Variants in LINGO2 observed in about 807,000 individuals in gnomAD.
The protein encoded by LINGO2 is leucine-rich repeat and immunoglobulin-like domain-containing nogo receptor-interacting protein 2.
A neutral mutation model predicts 30.6 loss-of-function variants in LINGO2; 14 were observed. The ratio of observed to expected loss-of-function variants is 0.46; its 90% CI spans 0.30 to 0.72. LINGO2 has a LOEUF of 0.72. Among genes scored for constraint, LINGO2 ranks in the 30% least tolerant of loss-of-function variants. LINGO2 has a pLI of 0.07. For synonymous variants in LINGO2, 317 were observed against 288.5 expected, an observed-to-expected ratio of 1.10 and a Z score of -1.00; for missense variants, 729 against 751.7, an observed-to-expected ratio of 0.97 and a Z score of 0.35.
intron 3 of LINGO2, among the ~76,000 whole-genome samples, chr9:28,349,874 C>A (rs1819778637): frequency 1.3e-5 from 2 of 152,046 alleles, no homozygotes. Context: ...GATTTTCAAC[C>A]CAGAATTTCA....
At chr9:28,703,104 C>T in the LINGO2 span, among the ~76,000 whole-genome samples, 2 of 151,374 alleles carry the variant, frequency 1.3e-5, no homozygotes, top group South Asian at 4.2e-4. Flanking sequence ...TATTGATTTC[C>T]TGTTTTCAGT....
At chr9:28,194,910 A>C (rs1819955152) in intron 4 of LINGO2, among the ~76,000 whole-genome samples, 1 of 152,060 alleles carries the variant, frequency 6.6e-6, no homozygotes, top group Admixed American at 6.6e-5. Flanking sequence ...TAACATCAAC[A>C]TTTATAAAGC....
chr9:28,310,974 GGAAATTCAGCCAGATATTGGGC>G (rs1824592846), intron 3 of LINGO2, among the ~76,000 whole-genome samples: 1 of 151,996 alleles, frequency 6.6e-6, no homozygotes, highest in African/African-American at 2.4e-5. Context: ...TAATATTGGG[GGAAATTCAGCCAGATATTGGGC>G]GAAATTCACC....
At chr9:28,008,480 T>C (rs1377566087) in intron 5 of LINGO2, among the ~76,000 whole-genome samples, 2 of 56,262 alleles carry the variant, frequency 3.6e-5, no homozygotes, top group Non-Finnish European at 1.1e-4. Flanking sequence ...AAGACAGTTA[T>C]GGAAGGAAAA....
At chr9:28,900,001 G>A in the LINGO2 span, among the ~76,000 whole-genome samples, 2 of 152,118 alleles carry the variant, frequency 1.3e-5, no homozygotes, top group Middle Eastern at 3.2e-3. Flanking sequence ...GGTCAGCCCC[G>A]CAGCTCCAGG....
chr9:28,467,721 G>A (rs1024967543), intron 2 of LINGO2, among the ~76,000 whole-genome samples: 3 of 151,762 alleles, frequency 2.0e-5, no homozygotes, highest in African/African-American at 7.3e-5. Context: ...TTTTAAAGAA[G>A]CCTAATTCAA....
intron 1 of LINGO2, among the ~76,000 whole-genome samples, chr9:28,524,326 T>G (rs574095277): frequency 6.6e-6 from 1 of 152,224 alleles, no homozygotes; most frequent in African/African-American, 2.4e-5. Flanking sequence ...GAAGAAGGTA[T>G]AGGAGAATAT....
chr9:28,536,421 A>T (rs2135445372), intron 1 of LINGO2, among the ~76,000 whole-genome samples: 1 of 152,224 alleles, frequency 6.6e-6, no homozygotes, highest in African/African-American at 2.4e-5. Flanking sequence ...TTAAAAGCAA[A>T]AGTAAAATCA....
chr9:28,634,886 C>A lies in LINGO2; in HGVS notation c.-365+35314G>T, dbSNP rs566472194. Among the ~76,000 whole-genome samples the A allele has an allele frequency of 2.6e-5, 4 of 152,224 alleles. 1 individual carries two copies. In the East Asian group the frequency reaches 7.7e-4, roughly 29 times the overall value. On this transcript the variant is annotated intron_variant, in intron 1 of 5. Coordinates refer to ENST00000379992, the Ensembl canonical transcript of LINGO2. ...GAATAGAAAAATCACTCTTTTCAACCCTTTTGCCCCAATAAAAGGTTTACG... is the reference window on the plus strand; with the variant it reads ...GAATAGAAAAATCACTCTTTTCAACACTTTTGCCCCAATAAAAGGTTTACG...
At chr9:28,754,539 T>C in the LINGO2 span, among the ~76,000 whole-genome samples, 2 of 151,918 alleles carry the variant, frequency 1.3e-5, no homozygotes, top group African/African-American at 4.8e-5. Flanking sequence ...ACATACCAAG[T>C]GATTGTCATG....
chr9:28,702,497 G>C, the LINGO2 span, among the ~76,000 whole-genome samples: 1 of 151,728 alleles, frequency 6.6e-6, no homozygotes, highest in Admixed American at 6.6e-5. Context: ...ACTTGGTTCT[G>C]TTGTATAATT....
chr9:28,342,085 T>C (rs2134394049), intron 3 of LINGO2, among the ~76,000 whole-genome samples: 1 of 152,264 alleles, frequency 6.6e-6, no homozygotes, highest in East Asian at 1.9e-4. Flanking sequence ...TAAGGGACCG[T>C]ATGTTAACTC....
chr9:28,859,657 T>C, the LINGO2 span, among the ~76,000 whole-genome samples: 1 of 152,038 alleles, frequency 6.6e-6, no homozygotes, highest in African/African-American at 2.4e-5. Flanking sequence ...GACCTTTTCA[T>C]TTAAATCAAA....
At chr9:28,216,881 G>A (rs1157822049) in intron 4 of LINGO2, among the ~76,000 whole-genome samples, 2 of 151,744 alleles carry the variant, frequency 1.3e-5, no homozygotes, top group South Asian at 2.1e-4. Context: ...AAAAGATATC[G>A]GGTGATATTC....
the LINGO2 span, among the ~76,000 whole-genome samples, chr9:28,892,005 C>T: frequency 1.3e-4 from 19 of 151,834 alleles, no homozygotes; most frequent in African/African-American, 4.6e-4. Flanking sequence ...ATCCCAGTGT[C>T]TGATCTTTAG....
chr9:28,708,114 AT>A, the LINGO2 span, among the ~76,000 whole-genome samples: 2 of 152,176 alleles, frequency 1.3e-5, no homozygotes, highest in Admixed American at 6.5e-5. Context: ...TGAAATAAAG[AT>A]TGGCAGAAGT....
chr9:29,154,448 T>C, the LINGO2 span, among the ~76,000 whole-genome samples: 2 of 50,194 alleles, frequency 4.0e-5, no homozygotes, highest in Non-Finnish European at 8.5e-5. Flanking sequence ...CGACTCCGTC[T>C]CAAAAAAAAA....
At chr9:29,208,258 A>C in the LINGO2 span, among the ~76,000 whole-genome samples, 1 of 152,150 alleles carries the variant, frequency 6.6e-6, no homozygotes, top group Admixed American at 6.5e-5. Flanking sequence ...AATTGCTAAA[A>C]AATAAAAAAA....
chr9:28,726,793 T>C, the LINGO2 span, among the ~76,000 whole-genome samples: 1 of 152,338 alleles, frequency 6.6e-6, no homozygotes, highest in East Asian at 1.9e-4. Context: ...TCTAAATTTG[T>C]TAAATGTTGG....
Sources: gnomAD v4.1 joint callset for allele counts (sites outside exome capture counted in the v4.1 genomes callset) on GRCh38, gnomAD v4.1.1 for gene constraint, MANE v1.5 for transcripts, NCBI Gene and HGNC (gene_info 2026-07-23, HGNC 2026-07-21) for gene names.